The following MTRR variants were observed in gnomAD, a reference collection of about 807,000 sequenced individuals.
The protein encoded by MTRR is 5-methyltetrahydrofolate-homocysteine methyltransferase reductase.
In MTRR, 63 loss-of-function variants were observed where a neutral mutation model predicts 79.2. The ratio of observed to expected loss-of-function variants is 0.80; its 90% CI spans 0.65 to 0.98. The LOEUF is 0.98. Among genes scored for constraint, MTRR ranks in the 50% least tolerant of loss-of-function variants. The pLI is 0.00. For synonymous variants in MTRR, 355 were observed against 313.3 expected (o/e 1.13, Z -1.41); for missense variants, 895 against 839.6 (o/e 1.07, Z -0.82).
intron 3 of MTRR, among the ~76,000 whole-genome samples, chr5:7,874,098 T>C (rs572779285): frequency 2.0e-5 from 3 of 152,166 alleles, no homozygotes; most frequent in Non-Finnish European, 2.9e-5. Context: ...TTCTAACATA[T>C]GTATCCCAGG....
At chr5:7,876,015 C>T (rs550373211) in intron 4 of MTRR, among the ~76,000 whole-genome samples, 66 of 152,196 alleles carry the variant, frequency 4.3e-4, no homozygotes, top group Non-Finnish European at 8.1e-4. Flanking sequence ...CTTACTTAGC[C>T]TTCAACTATT....
chr5:7,896,646 A>C (rs1384435367), intron 12 of MTRR: 1 of 599,810 alleles, frequency 1.7e-6, no homozygotes, highest in African/African-American at 1.9e-5. Context: ...TGTATGTCGG[A>C]TGTAGCTGCC....
intron 4 of MTRR, 140 bp downstream of exon 4, chr5:7,875,515 C>G (rs1396438973): frequency 1.2e-6 from 1 of 812,156 alleles, no homozygotes. Flanking sequence ...CTTTAGGATC[C>G]AAGAGGGTCA....
chr5:7,890,218 CT>C lies in MTRR; in HGVS notation c.1327+945del, dbSNP rs1411708166. On this transcript the variant is annotated intron_variant, in intron 9 of 14. Transcript: ENST00000440940. ...GATGCCCAGTACAATTAAAGGCACC[CT>C]TCTTTGCAAGTCAGGGCCTGATTTC... 5.1e-6 allele frequency: 5 copies of C among 979,306 alleles called. No homozygotes were observed. The African/African-American group carries it at 7.0e-5, about 14-fold the overall frequency. 60.7% of individuals were successfully genotyped at this position (979,306 alleles called of 1,614,324 possible).
Position 7,878,279 on chromosome 5 carries a change from C to T in MTRR, c.737C>T (p.Pro246Leu), listed in dbSNP as rs1734930034. ...SQASLNIPGLPPEYLQVHLQE... is the reference protein window; with the variant it reads ...SQASLNIPGLLPEYLQVHLQE... ...GCCTCTCTGAATATTCCTGGTTTAC[C>T]CCCAGAATATTTACAGGTACATCTG... Residue 246 changes from proline to leucine, a missense_variant, in exon 5 of 15, where the codon CCC becomes CTC. Coordinates refer to ENST00000440940, the MANE Select transcript of MTRR (RefSeq NM_002454.3). The T allele has an allele frequency of 2.5e-6, 4 of 1,614,174 alleles. No homozygotes were observed. The highest frequency in any genetic ancestry group is 3.4e-6 in the Non-Finnish European group (4 of 1,180,026).
chr5:7,858,767 T>C (rs1255175735), intron 1 of MTRR, among the ~76,000 whole-genome samples: 3 of 151,950 alleles, frequency 2.0e-5, no homozygotes, highest in Non-Finnish European at 4.4e-5. Context: ...CTCTTCTCCT[T>C]GAAACTGTAA....
chr5:7,859,552 A>C, intron 1 of MTRR: 4 of 1,540,308 alleles, frequency 2.6e-6, no homozygotes, highest in Non-Finnish European at 3.6e-6. Flanking sequence ...GTAAAGGTAG[A>C]AAAGTAAAAC....
upstream of MTRR, chr5:7,850,981 C>G (rs768292052): frequency 5.4e-6 from 7 of 1,303,958 alleles, no homozygotes; most frequent in Non-Finnish European, 6.8e-6. Context: ...GGGCTTGCCC[C>G]GCAGCGTGGA....
At chr5:7,858,744 C>T (rs755298808) in intron 1 of MTRR, among the ~76,000 whole-genome samples, 12 of 151,906 alleles carry the variant, frequency 7.9e-5, no homozygotes, top group Non-Finnish European at 1.5e-4. Context: ...CTACTCCAGT[C>T]GGCTCTCTTG....
At chr5:7,866,845 T>A (rs775771469), upstream of MTRR, 2 of 1,613,956 alleles carry the variant, frequency 1.2e-6, no homozygotes, top group Non-Finnish European at 1.7e-6. Flanking sequence ...TCCCAAATGG[T>A]TCCATTAAGG....
At position 7,900,150 on chromosome 5, in the gene MTRR, A is replaced by G; in HGVS notation, c.*92A>G. On this transcript the variant is annotated 3_prime_UTR_variant, in exon 15 of 15. Transcript: ENST00000440940. ...TGCCAAACCTTTAAATTTTCAAAAG[A>G]AAATTTTCTTTCAACATTTCTTGAA... The G allele has an allele frequency of 2.0e-6, 3 of 1,474,892 alleles. No individual in the cohort carries two copies. Among genetic ancestry groups the G allele is most frequent in the African/African-American group, 1.4e-5 (1 of 70,030 alleles). The allele number at this position is 1,474,892 out of a possible 1,614,324, so 91.4% of individuals were successfully genotyped here. A position where few individuals can be genotyped will look rare whatever the true frequency, so the allele number is the denominator to read the frequency against.
rs2126745024 is a variant in MTRR, at chr5:7,885,750, C to T, written c.953C>T (p.Pro318Leu). The change falls in exon 7 of 15, where the codon CCT becomes CTT. Residue 318 changes from proline to leucine, a missense_variant. Physicochemically the swap from Pro to Leu is moderately conservative, Grantham distance 98. Coordinates refer to ENST00000440940, the MANE Select transcript of MTRR (RefSeq NM_002454.3). The part of the protein sequence containing the change: ...QPGDAFSVIC[P>L]NSDSEVQSLL... ...GGAGATGCCTTCAGCGTGATCTGCC[C>T]TAACAGTGATTCTGAGGTACAAAGC... The T allele has an allele frequency of 6.2e-7, 1 of 1,613,890 alleles. No individual in the cohort carries two copies.
At chr5:7,860,754 G>A (rs1746480253) in intron 1 of MTRR, among the ~76,000 whole-genome samples, 1 of 152,200 alleles carries the variant, frequency 6.6e-6, no homozygotes, top group Non-Finnish European at 1.5e-5. Flanking sequence ...TTTGCTTAAA[G>A]TGCAAATGTT....
In MTRR at chr5:7,900,850, G is replaced by A. The variant is rs1739363548; in HGVS notation, c.*792G>A. The stretch of plus-strand genomic sequence containing the variant: ...TTTCTGCTGCTTGGCACATTTTTGA[G>A]TTTTCCCACATTATTTGTCTCCATG... On this transcript the variant is annotated 3_prime_UTR_variant, in exon 15 of 15. Coordinates refer to ENST00000440940, the MANE Select transcript of MTRR (RefSeq NM_002454.3). The A allele has an allele frequency of 6.8e-6, 1 of 146,462 alleles. No homozygotes were observed. The highest frequency in any genetic ancestry group is 1.5e-5 in the Non-Finnish European group (1 of 66,222). 9.1% of individuals were successfully genotyped at this position (146,462 alleles called of 1,614,324 possible).
chr5:7,874,709 T>C (rs932279702), intron 3 of MTRR, among the ~76,000 whole-genome samples: 6 of 152,002 alleles, frequency 3.9e-5, no homozygotes, highest in Admixed American at 2.0e-4. Flanking sequence ...CCTTTCTTTC[T>C]ATATCAGGAG....
intron 2 of MTRR, 145 bp from the exon 3 acceptor site, chr5:7,873,228 A>T: frequency 1.1e-6 from 1 of 923,586 alleles, no homozygotes; most frequent in Non-Finnish European, 1.8e-6. Flanking sequence ...GAGAGCGCCT[A>T]GTCACTGGAC....
intron 9 of MTRR, 87 bp from the exon 10 acceptor site, chr5:7,891,285 T>G (rs977407042): frequency 6.6e-6 from 5 of 757,220 alleles, no homozygotes; most frequent in African/African-American, 3.9e-5. Flanking sequence ...AAATAAGACA[T>G]GGAATTTTTT....
intron 4 of MTRR, 27 bp from the exon 5 acceptor site, chr5:7,877,917 T>G (rs774696282): frequency 2.5e-6 from 4 of 1,609,136 alleles, no homozygotes; most frequent in Middle Eastern, 1.9e-4. Context: ...GCATTTGTTT[T>G]GTTTTTCGTT....
chr5:7,855,518 T>C (rs1463999397), intron 1 of MTRR, among the ~76,000 whole-genome samples: 6 of 151,690 alleles, frequency 4.0e-5, no homozygotes, highest in Non-Finnish European at 1.5e-5. Context: ...CTTATACTTT[T>C]TTTTTTAGAG....
Sources: allele counts gnomAD v4.1 joint callset (sites outside exome capture counted in the v4.1 genomes callset), GRCh38; gene constraint gnomAD v4.1.1; transcripts MANE v1.5; gene names NCBI Gene and HGNC (gene_info 2026-07-23, HGNC 2026-07-21).